Variants in ABLIM1 observed in about 807,000 individuals in gnomAD.
ABLIM1 encodes actin-binding LIM protein 1.
ABLIM1 carries 40 observed loss-of-function variants against 107.0 expected under a neutral mutation model. The observed-to-expected ratio is 0.37, with a 90% CI of 0.29 to 0.49. ABLIM1 has a LOEUF of 0.49. Ranked by LOEUF, ABLIM1 falls within the 20% of genes least tolerant of loss-of-function variation. The probability of loss-of-function intolerance (pLI) is 0.97; values close to 1 mark genes in which losing one functional copy is unlikely to be tolerated. For synonymous variants in ABLIM1, 357 were observed against 357.3 expected (o/e 1.00, Z 0.01); for missense variants, 857 against 1,008.5 (o/e 0.85, Z 2.04).
At chr10:114,757,392 T>C (rs970150914) in intron 1 of ABLIM1, among the ~76,000 whole-genome samples, 12 of 152,150 alleles carry the variant, frequency 7.9e-5, no homozygotes, top group Non-Finnish European at 1.8e-4. Context: ...ATAATAAATA[T>C]TTTCATAGAA....
At chr10:114,679,503 C>T (rs1416614185) in intron 1 of ABLIM1, among the ~76,000 whole-genome samples, 7 of 151,788 alleles carry the variant, frequency 4.6e-5, no homozygotes, top group African/African-American at 1.7e-4. Flanking sequence ...GGCGTGGTGG[C>T]GTGTGCCTGT....
rs1405254393 is a variant in ABLIM1 at position 114,650,865 on chromosome 10, A to G, written c.244+7092T>C. ...TTGGGTGAGAAGAAGAGGGGGAAGT[A>G]TTTATCGAGCTCCAACTAAATGCCA... On this transcript the variant is annotated intron_variant, in intron 1 of 22. Coordinates refer to ENST00000533213, the MANE Select transcript of ABLIM1 (RefSeq NM_002313.7). Among the ~76,000 whole-genome samples the G allele has an allele frequency of 3.3e-5, 5 of 152,218 alleles. No homozygotes were observed. In the East Asian group the frequency reaches 9.6e-4, roughly 29 times the overall value.
intron 1 of ABLIM1, among the ~76,000 whole-genome samples, chr10:114,675,915 C>T (rs561454568): frequency 2.6e-5 from 4 of 152,216 alleles, no homozygotes; most frequent in Non-Finnish European, 5.9e-5. Context: ...CCATTTTTAC[C>T]TATGCATGTC....
At chr10:114,760,449 C>T (rs80214827) in intron 1 of ABLIM1, among the ~76,000 whole-genome samples, 6,001 of 127,932 alleles carry the variant, frequency 0.047, 412 homozygotes, top group African/African-American at 0.16. Context: ...CACACACACA[C>T]ACACTGACTT....
chr10:114,747,739 T>C (rs1239204110), intron 1 of ABLIM1, among the ~76,000 whole-genome samples: 2 of 152,222 alleles, frequency 1.3e-5, no homozygotes, highest in African/African-American at 4.8e-5. Context: ...ATGAAGTTAA[T>C]TATTTAAAAG....
chr10:114,599,353 G>C (rs905266273), intron 2 of ABLIM1, among the ~76,000 whole-genome samples: 1 of 152,078 alleles, frequency 6.6e-6, no homozygotes, highest in Non-Finnish European at 1.5e-5. Context: ...AACTAAAAGA[G>C]AAAAAAAGCA....
chr10:114,613,728 T>G (rs1395897169), intron 1 of ABLIM1: 3 of 1,314,170 alleles, frequency 2.3e-6, no homozygotes, highest in Non-Finnish European at 3.0e-6. Flanking sequence ...GCATCCAACT[T>G]GCAATGTCAA....
At chr10:114,448,899 C>G (rs1012131499) in intron 14 of ABLIM1, among the ~76,000 whole-genome samples, 2 of 152,178 alleles carry the variant, frequency 1.3e-5, no homozygotes, top group African/African-American at 4.8e-5. Flanking sequence ...CATGGGCCAC[C>G]ACACCCTGTC....
intron 1 of ABLIM1, among the ~76,000 whole-genome samples, chr10:114,750,983 T>C (rs572718259): frequency 6.6e-6 from 1 of 152,234 alleles, no homozygotes; most frequent in African/African-American, 2.4e-5. Flanking sequence ...ATGAAGAATC[T>C]GCCTTAACTA....
chr10:114,545,943 C>CA (rs35262022), intron 5 of ABLIM1, among the ~76,000 whole-genome samples: 55,434 of 122,092 alleles, frequency 0.45, 12,745 homozygotes, highest in Non-Finnish European at 0.54. Flanking sequence ...AAAAAAAAAA[C>CA]AAAAAAAAAA....
intron 1 of ABLIM1, among the ~76,000 whole-genome samples, chr10:114,751,595 C>T (rs2082511807): frequency 6.6e-6 from 1 of 151,742 alleles, no homozygotes; most frequent in South Asian, 2.1e-4. Flanking sequence ...ACTAAAAATA[C>T]AAAAATTAGC....
chr10:114,482,369 C>T (rs1210521903), intron 8 of ABLIM1, among the ~76,000 whole-genome samples: 5 of 152,148 alleles, frequency 3.3e-5, no homozygotes, highest in Non-Finnish European at 5.9e-5. Flanking sequence ...CTTTCCTCTA[C>T]AACAAAACCA....
intron 3 of ABLIM1, among the ~76,000 whole-genome samples, chr10:114,574,834 C>T (rs2072265366): frequency 6.6e-6 from 1 of 152,134 alleles, no homozygotes; most frequent in Non-Finnish European, 1.5e-5. Context: ...CAAATATTTC[C>T]CCCCAAAGAT....
chr10:114,623,332 C>A (rs1191196348), intron 1 of ABLIM1, among the ~76,000 whole-genome samples: 1 of 152,202 alleles, frequency 6.6e-6, no homozygotes, highest in Non-Finnish European at 1.5e-5. Flanking sequence ...AACTTCCTGC[C>A]AACCTTTGCT....
chr10:114,602,507 T>C (rs930807353), intron 1 of ABLIM1, among the ~76,000 whole-genome samples: 7 of 152,242 alleles, frequency 4.6e-5, no homozygotes, highest in African/African-American at 1.7e-4. Context: ...TGCTGAACAG[T>C]TTCTAGCCTG....
chr10:114,561,187 T>A (rs1484739818), intron 4 of ABLIM1, among the ~76,000 whole-genome samples: 2 of 152,212 alleles, frequency 1.3e-5, no homozygotes, highest in Admixed American at 1.3e-4. Context: ...ATACCCGGGC[T>A]CTGGCCAAAG....
chr10:114,458,234 A>G (rs1004811632), intron 12 of ABLIM1, among the ~76,000 whole-genome samples: 2 of 152,080 alleles, frequency 1.3e-5, no homozygotes, highest in African/African-American at 2.4e-5. Context: ...TTGTAGTGAC[A>G]AGCTACTATA....
At chr10:114,650,197 G>A (rs1239917496) in intron 1 of ABLIM1, among the ~76,000 whole-genome samples, 3 of 152,072 alleles carry the variant, frequency 2.0e-5, no homozygotes, top group Non-Finnish European at 4.4e-5. Flanking sequence ...GCTTTGTCTT[G>A]TACCCATGGC....
intron 1 of ABLIM1, among the ~76,000 whole-genome samples, chr10:114,648,650 G>A (rs1334991745): frequency 4.6e-5 from 7 of 152,174 alleles, no homozygotes; most frequent in African/African-American, 7.2e-5. Context: ...GCACAGGCTC[G>A]TAAATGTTAA....
Sources: gnomAD v4.1 joint callset for allele counts (sites outside exome capture counted in the v4.1 genomes callset) on GRCh38, gnomAD v4.1.1 for gene constraint, MANE v1.5 for transcripts, NCBI Gene and HGNC (gene_info 2026-07-23, HGNC 2026-07-21) for gene names.